The following SMC1A variants were observed in gnomAD, a reference collection of about 807,000 sequenced individuals.
SMC1A encodes the protein structural maintenance of chromosomes protein 1A.
A neutral mutation model predicts 94.5 loss-of-function variants in SMC1A; 4 were observed. The observed-to-expected ratio is 0.04, with a 90% confidence interval of 0.02 to 0.10. The LOEUF (loss-of-function observed/expected upper bound fraction) is 0.10, where lower values mean the gene tolerates loss of function less well. Among genes scored for constraint, SMC1A ranks in the 10% least tolerant of loss-of-function variants. SMC1A has a pLI of 1.00. For synonymous variants in SMC1A, 345 were observed against 347.7 expected, an observed-to-expected ratio of 0.99 and a Z score of 0.09; for missense variants, 304 against 989.0, an observed-to-expected ratio of 0.31 and a Z score of 9.29.
chrX:53,410,097 C>T (rs148486911), intron 7 of SMC1A, among the ~76,000 whole-genome samples: 1,990 of 111,225 alleles, frequency 0.018, 47 homozygotes, highest in African/African-American at 0.062. Flanking sequence ...TCTATCATTG[C>T]TGTTATTACA....
At chrX:53,412,403 A>C (rs2075716178) in intron 5 of SMC1A, 150 bp from the exon 6 acceptor site, 1 of 559,282 alleles carries the variant, frequency 1.8e-6, no homozygotes, top group Non-Finnish European at 2.8e-6. Context: ...AGATCCTGAA[A>C]AAAAGGGGCA....
intron 19 of SMC1A, among the ~76,000 whole-genome samples, chrX:53,390,854 C>T (rs1358451199): frequency 3.0e-5 from 3 of 100,339 alleles, no homozygotes; most frequent in Admixed American, 1.1e-4. Flanking sequence ...TAGCTGGACG[C>T]GATGGTGGGT....
At chrX:53,420,072 T>C (rs2075748767) in intron 1 of SMC1A, among the ~76,000 whole-genome samples, 1 of 111,577 alleles carries the variant, frequency 9.0e-6, no homozygotes, top group South Asian at 3.7e-4. Context: ...GGTCTAAAAA[T>C]ATGTGCGGCA....
At position 53,387,315 on chromosome X, in the gene SMC1A, T is replaced by C. The variant is rs182175877; in HGVS notation, c.2974-4062A>G. On this transcript the variant is annotated intron_variant, in intron 19 of 24. Coordinates refer to ENST00000322213, the MANE Select transcript of SMC1A (RefSeq NM_006306.4). ...TGGCCCTTTTACTAATAATATCTTA[T>C]TGTGATTTTTCAAACTAGTATATAC... Among the ~76,000 whole-genome samples, 53 of 112,251 alleles carry C rather than the reference T, an allele frequency of 4.7e-4. 1 individual carries two copies. Among genetic ancestry groups the C allele is most frequent in the Non-Finnish European group, 8.3e-4 (44 of 53,282 alleles).
rs782524025 is a variant in SMC1A, at chrX:53,422,631, G to C, written c.-31C>G. On this transcript the variant is annotated 5_prime_UTR_variant, in exon 1 of 25. Transcript: ENST00000322213. ...CCGCGGCGCCGGCGGCAGTAGGACAGGCCGCGCCGTACGCCCGAGAACTGA... is the reference window on the plus strand; with the variant it reads ...CCGCGGCGCCGGCGGCAGTAGGACACGCCGCGCCGTACGCCCGAGAACTGA... 3 of 998,371 alleles carry C rather than the reference G, an allele frequency of 3.0e-6. No individual in the cohort carries two copies. The highest frequency in any genetic ancestry group is 3.8e-5 in the South Asian group (2 of 52,511). The allele number at this position is 998,371 out of a possible 1,213,427, so 82.3% of individuals were successfully genotyped here. A position where few individuals can be genotyped will look rare whatever the true frequency, so the allele number is the denominator to read the frequency against.
At chrX:53,397,432 T>C (rs1556888201) in intron 16 of SMC1A, among the ~76,000 whole-genome samples, 1 of 111,122 alleles carries the variant, frequency 9.0e-6, no homozygotes, top group African/African-American at 3.3e-5. Flanking sequence ...AATACAAAAA[T>C]TAGCTGGGTG....
At chrX:53,415,366 C>T (rs947605466) in intron 1 of SMC1A, among the ~76,000 whole-genome samples, 197 bp from the exon 2 acceptor site, 1 of 111,171 alleles carries the variant, frequency 9.0e-6, no homozygotes, top group Non-Finnish European at 1.9e-5. Flanking sequence ...AAAAACAGTC[C>T]TTTTGCAGTT....
intron 19 of SMC1A, 89 bp from the exon 20 acceptor site, chrX:53,383,342 G>T: frequency 1.0e-6 from 1 of 953,923 alleles, no homozygotes; most frequent in Non-Finnish European, 1.5e-6. Context: ...GTGTGGCCTG[G>T]GCGCCTGCTC....
intron 1 of SMC1A, among the ~76,000 whole-genome samples, chrX:53,415,620 T>C (rs1385068030): frequency 3.8e-5 from 4 of 104,057 alleles, no homozygotes; most frequent in Non-Finnish European, 7.8e-5. Flanking sequence ...TGAGCCGAGA[T>C]CGTGCCACTG....
intron 15 of SMC1A, among the ~76,000 whole-genome samples, chrX:53,402,741 G>A (rs1243104473): frequency 1.9e-5 from 2 of 103,075 alleles, no homozygotes; most frequent in Non-Finnish European, 3.9e-5. Flanking sequence ...TGCACTTATA[G>A]TCCCAGCTAC....
At position 53,399,670 on chromosome X, in the gene SMC1A, T is replaced by C. The variant is rs781858888; in HGVS notation, c.2481A>G (p.Gln827=). Residue 827 remains glutamine (Q), a synonymous_variant, in exon 16 of 25, where the codon CAA becomes CAG. Coordinates refer to ENST00000322213, the MANE Select transcript of SMC1A (RefSeq NM_006306.4). ...LGIQLDFEKN[Q]LKEDQDKVHM... ...GTACTTTATCTTGGTCCTCCTTCAG[T>C]TGGTTCTTTTCAAAATCCAACTGAA... 1.7e-6 allele frequency: 2 copies of C among 1,207,886 alleles called. No homozygotes were observed. The highest frequency in any genetic ancestry group is 3.5e-5 in the South Asian group (2 of 56,875).
chrX:53,396,183 A>G (rs1451624013), intron 18 of SMC1A, 44 bp downstream of exon 18: 2 of 1,185,132 alleles, frequency 1.7e-6, no homozygotes, highest in Non-Finnish European at 2.3e-6. Context: ...ATCCCTGGTT[A>G]ATGATGTTCA....
chrX:53,384,578 A>G (rs782528918), intron 19 of SMC1A, among the ~76,000 whole-genome samples: 1 of 111,049 alleles, frequency 9.0e-6, no homozygotes, highest in African/African-American at 3.3e-5. Context: ...ACAGACTTCT[A>G]TGCAGTTGGG....
chrX:53,399,452 C>T (rs921357948), intron 16 of SMC1A, 137 bp downstream of exon 16: 5 of 567,908 alleles, frequency 8.8e-6, no homozygotes, highest in Admixed American at 6.3e-5. Flanking sequence ...CCATTTTTCC[C>T]GTTTAGGTCT....
rs1173339282 is a variant in SMC1A at position 53,378,017 on chromosome X, A to G, written c.*2086T>C. On this transcript the variant is annotated 3_prime_UTR_variant, in exon 25 of 25. Transcript: ENST00000322213. ...ATGTCTTTTAATATGTATTAGAAGA[A>G]TACATAATTAGCACACATCAAACCT... 1 of 112,530 alleles carries G rather than the reference A, an allele frequency of 8.9e-6. No individual in the cohort carries two copies. Among genetic ancestry groups the G allele is most frequent in the Non-Finnish European group, 1.9e-5 (1 of 53,343 alleles). The allele number at this position is 112,530 out of a possible 1,213,427, so 9.3% of individuals were successfully genotyped here. A position where few individuals can be genotyped will look rare whatever the true frequency, so the allele number is the denominator to read the frequency against.
intron 3 of SMC1A, 55 bp downstream of exon 3, chrX:53,414,703 G>T: frequency 1.4e-6 from 1 of 734,249 alleles, no homozygotes; most frequent in Non-Finnish European, 2.2e-6. Context: ...ACAGAGTGGG[G>T]ATGGGACATG....
intron 7 of SMC1A, among the ~76,000 whole-genome samples, chrX:53,411,028 G>A (rs2075710565): frequency 9.5e-6 from 1 of 105,739 alleles, no homozygotes; most frequent in Admixed American, 1.0e-4. Flanking sequence ...CTGGGAAGTC[G>A]AAGCTGCAGT....
chrX:53,414,075 CAAA>C (rs782233737), intron 3 of SMC1A, among the ~76,000 whole-genome samples: 2 of 47,907 alleles, frequency 4.2e-5, no homozygotes, highest in Non-Finnish European at 3.9e-5. Flanking sequence ...AACTCCGTCT[CAAA>C]AAAAAAAAAA....
At chrX:53,391,496 C>T (rs1196810470) in intron 19 of SMC1A, among the ~76,000 whole-genome samples, 4 of 109,575 alleles carry the variant, frequency 3.7e-5, no homozygotes, top group African/African-American at 1.3e-4. Context: ...AGAAAAATGA[C>T]TCCAACAGAT....
Sources: allele counts gnomAD v4.1 joint callset (sites outside exome capture counted in the v4.1 genomes callset), GRCh38; gene constraint gnomAD v4.1.1; transcripts MANE v1.5; gene names NCBI Gene and HGNC (gene_info 2026-07-23, HGNC 2026-07-21).